The following TMC6 variants were observed in gnomAD, a reference collection of about 807,000 sequenced individuals.
TMC6 encodes the protein transmembrane channel like 6.
Under a neutral mutation model 95.4 loss-of-function variants are expected in TMC6, and 71 were observed. That is an observed-to-expected ratio of 0.74 (90% CI 0.61 to 0.91). The LOEUF (loss-of-function observed/expected upper bound fraction) is 0.91, where lower values mean the gene tolerates loss of function less well. Among genes scored for constraint, TMC6 ranks in the 40% least tolerant of loss-of-function variants. The pLI is 0.00. For synonymous variants in TMC6, 514 were observed against 483.1 expected, an observed-to-expected ratio of 1.06 and a Z score of -0.84; for missense variants, 1,074 against 1,079.1, an observed-to-expected ratio of 1.00 and a Z score of 0.07.
At chr17:78,119,076 C>T (rs368285176) in intron 14 of TMC6, 30 bp from the exon 15 acceptor site, 36 of 1,553,322 alleles carry the variant, frequency 2.3e-5, no homozygotes, top group Non-Finnish European at 3.0e-5. Flanking sequence ...TCAGGGGCTG[C>T]TCCAGTGCCC....
upstream of TMC6, chr17:78,131,232 G>A: frequency 4.9e-6 from 2 of 407,430 alleles, no homozygotes; most frequent in African/African-American, 2.1e-5. Context: ...CTTTGCCTGT[G>A]CCGGTCCAGA....
In TMC6 at chr17:78,128,037, T is replaced by C. The variant is rs1253905154; in HGVS notation, c.-75+575A>G. Reference sequence around the variant, plus strand: ...GGAATCCCTTCCTCCAGACAGGCCCTTCTAAGCTCAGGGAACCCGGGGACT... The same window carrying C: ...GGAATCCCTTCCTCCAGACAGGCCCCTCTAAGCTCAGGGAACCCGGGGACT... On this transcript the variant is annotated intron_variant, in intron 1 of 19. Coordinates refer to ENST00000590602, the MANE Select transcript of TMC6 (RefSeq NM_001127198.5). This position sits in a 1 kb window ranked among gnomAD's most constrained non-coding sequence, Gnocchi z 4.0. Among the ~76,000 whole-genome samples the C allele has an allele frequency of 1.3e-5, 2 of 152,200 alleles. No individual in the cohort carries two copies. Among genetic ancestry groups the C allele is most frequent in the Non-Finnish European group, 2.9e-5 (2 of 68,036 alleles).
chr17:78,122,574 C>T lies in TMC6; in HGVS notation c.1227+31G>A, dbSNP rs759635480. 1 of 1,604,876 alleles carries T rather than the reference C, an allele frequency of 6.2e-7. No individual in the cohort carries two copies. Among genetic ancestry groups the T allele is most frequent in the Non-Finnish European group, 8.5e-7 (1 of 1,179,650 alleles). On this transcript the variant is annotated intron_variant, in intron 10 of 19. Coordinates refer to ENST00000590602, the MANE Select transcript of TMC6 (RefSeq NM_001127198.5). This position sits in a 1 kb window ranked among gnomAD's most constrained non-coding sequence, Gnocchi z 4.9. ...AGGGCCAGGCCTGCAGGGAGCTGGGCAGGCCAGCTTGGTGCTCCGGGGCCA... is the reference window on the plus strand; with the variant it reads ...AGGGCCAGGCCTGCAGGGAGCTGGGTAGGCCAGCTTGGTGCTCCGGGGCCA...
intron 13 of TMC6, chr17:78,120,027 C>A (rs1025664441): frequency 7.6e-6 from 3 of 393,048 alleles, no homozygotes; most frequent in Admixed American, 3.2e-5. Flanking sequence ...AGGAAAAAAA[C>A]AGCTGAAGTG....
intron 18 of TMC6, 39 bp downstream of exon 18, chr17:78,117,230 G>A: frequency 6.2e-7 from 1 of 1,609,686 alleles, no homozygotes; most frequent in Non-Finnish European, 8.5e-7. Flanking sequence ...GGTGACCTGA[G>A]AGGGTGGGGG....
chr17:78,129,836 T>TC (rs1162504406), upstream of TMC6, among the ~76,000 whole-genome samples: 2 of 151,910 alleles, frequency 1.3e-5, no homozygotes, highest in Non-Finnish European at 2.9e-5. The surrounding 1 kb of genome is among the most constrained non-coding windows in gnomAD (Gnocchi z 4.3). Flanking sequence ...CTGGGGAGCC[T>TC]CCCCAGATTG....
Position 78,125,900 on chromosome 17 carries a change from G to A in TMC6, c.272-16C>T. 6.5e-7 allele frequency: 1 copy of A among 1,550,206 alleles called. No individual in the cohort carries two copies. Among genetic ancestry groups the A allele is most frequent in the Non-Finnish European group, 8.7e-7 (1 of 1,146,818 alleles). On this transcript the variant is annotated splice_polypyrimidine_tract_variant and intron_variant, in intron 4 of 19. Transcript: ENST00000590602. ...CGGCTGCGGCCTATGGAGGCAGCTG[G>A]GCAGGGCCGGGCCGGGCAGGGCCAG...
In TMC6 at chr17:78,111,883, C is replaced by G. The variant is rs758221424; in HGVS notation, c.*1265G>C. ...CAGGCTGGTCCCCACAAGCCTGGAACCCTGCGCCGTGACGGGCTGGTCCCC... is the reference window on the plus strand; with the variant it reads ...CAGGCTGGTCCCCACAAGCCTGGAAGCCTGCGCCGTGACGGGCTGGTCCCC... On this transcript the variant is annotated 3_prime_UTR_variant, in exon 20 of 20. Transcript: ENST00000590602. The G allele has an allele frequency of 4.3e-6, 1 of 230,930 alleles. No homozygotes were observed. The highest frequency in any genetic ancestry group is 1.7e-4 in the East Asian group (1 of 5,924). The allele number at this position is 230,930 out of a possible 1,614,324, so 14.3% of individuals were successfully genotyped here.
rs567036907 is a variant in TMC6 at position 78,117,846 on chromosome 17, G to A, written c.1977C>T (p.Pro659=). Residue 659 remains proline (P), a synonymous_variant, in exon 16 of 20, where the codon CCC becomes CCT. Coordinates refer to ENST00000590602, the MANE Select transcript of TMC6 (RefSeq NM_001127198.5). ...GGAAGACAGCGGCGCCCAGGAAGGC[G>A]GGGAAGCAGAGCAGCGTGAGGAAGA... is the stretch of plus-strand genomic sequence containing the variant. ...STVFLTLLCF[P]AFLGAAVFLC... 25 of 1,608,172 alleles carry A rather than the reference G, an allele frequency of 1.6e-5. No individual in the cohort carries two copies. The highest frequency in any genetic ancestry group is 5.5e-5 in the South Asian group (5 of 90,174).
intron 8 of TMC6, 131 bp from the exon 9 acceptor site, chr17:78,124,310 G>A: frequency 7.3e-7 from 1 of 1,370,230 alleles, no homozygotes; most frequent in Non-Finnish European, 1.0e-6. Context: ...AGGGGCCTTG[G>A]CCACAGCAAT....
At chr17:78,130,657 C>G (rs1224140088), upstream of TMC6, 1 of 152,300 alleles carries the variant, frequency 6.6e-6, no homozygotes, top group Admixed American at 6.5e-5. Context: ...CAGGGGCCCA[C>G]AGGAAGTGCC....
intron 18 of TMC6, among the ~76,000 whole-genome samples, chr17:78,116,948 C>T (rs2074148292): frequency 6.6e-6 from 1 of 152,166 alleles, no homozygotes; most frequent in African/African-American, 2.4e-5. Flanking sequence ...GTGAAGAGTC[C>T]ATAGGGACCC....
chr17:78,132,325 G>A (rs759402132), upstream of TMC6: 7 of 1,609,628 alleles, frequency 4.3e-6, no homozygotes, highest in East Asian at 2.2e-5. Context: ...CCCCGGCCCC[G>A]GCCTCCCTGA....
chr17:78,123,825 G>C (rs189579375), intron 9 of TMC6, among the ~76,000 whole-genome samples, 164 bp downstream of exon 9: 2 of 152,124 alleles, frequency 1.3e-5, no homozygotes, highest in Admixed American at 1.3e-4. Context: ...AGATGGATGG[G>C]TAGATGGGTG....
In TMC6 at chr17:78,120,846, G is replaced by A; in HGVS notation, c.1536-14C>T. 2 of 1,611,418 alleles carry A rather than the reference G, an allele frequency of 1.2e-6. No homozygotes were observed. The highest frequency in any genetic ancestry group is 1.7e-6 in the Non-Finnish European group (2 of 1,178,554). On this transcript the variant is annotated splice_polypyrimidine_tract_variant and intron_variant, in intron 12 of 19. Coordinates refer to ENST00000590602, the MANE Select transcript of TMC6 (RefSeq NM_001127198.5). ...AGGATGAGGTTCCTGCGGAGGGCGG[G>A]GTGCAAAGGCTGAGGGGCGGGTACA...
rs142758270 is a variant in TMC6 at position 78,125,787 on chromosome 17, G to A, written c.369C>T (p.Ser123=). ...SRPLLGNFVR[S]AWPSLRLYDL... ...CGTACAGGCGGAGGCTGGGCCAGGC[G>A]GAGCGGACAAAGTTCCCGAGCAGGG... Residue 123 remains serine (S), a synonymous_variant, in exon 5 of 20, where the codon TCC becomes TCT. Coordinates refer to ENST00000590602, the MANE Select transcript of TMC6 (RefSeq NM_001127198.5). 1.2e-3 allele frequency: 1,811 copies of A among 1,562,150 alleles called. 3 individuals carry two copies. Among genetic ancestry groups the A allele is most frequent in the Middle Eastern group, 2.8e-3 (17 of 6,008 alleles).
At chr17:78,120,568 G>A (rs998728874) in intron 13 of TMC6, 85 bp downstream of exon 13, 2 of 1,595,994 alleles carry the variant, frequency 1.3e-6, no homozygotes, top group Non-Finnish European at 1.7e-6. Context: ...GATGGGAAAG[G>A]TCCAGGCCTG....
intron 1 of TMC6, 112 bp from the exon 2 acceptor site, chr17:78,127,018 C>T (rs1199954168): frequency 1.3e-5 from 9 of 684,916 alleles, no homozygotes; most frequent in South Asian, 9.9e-5. Flanking sequence ...CAGACAGTCC[C>T]GCCCACCCCC....
upstream of TMC6, among the ~76,000 whole-genome samples, chr17:78,129,337 T>C (rs1178476247): frequency 6.6e-6 from 1 of 152,144 alleles, no homozygotes; most frequent in African/African-American, 2.4e-5. The surrounding 1 kb of genome is among the most constrained non-coding windows in gnomAD (Gnocchi z 4.3). Context: ...GTTGCCCTGT[T>C]TTCTGTTATT....
Sources: gnomAD v4.1 joint callset for allele counts (sites outside exome capture counted in the v4.1 genomes callset) on GRCh38, gnomAD v4.1.1 for gene constraint, Gnocchi (gnomAD v3.1) non-coding constraint, MANE v1.5 for transcripts, NCBI Gene and HGNC (gene_info 2026-07-23, HGNC 2026-07-21) for gene names.